Variants in RPS6KA2 observed in about 807,000 individuals in gnomAD.
RPS6KA2 encodes ribosomal protein S6 kinase alpha-2.
Under a neutral mutation model 91.8 loss-of-function variants are expected in RPS6KA2, and 42 were observed. That is an observed-to-expected ratio of 0.46 (90% CI 0.36 to 0.59). The LOEUF is 0.59. RPS6KA2 is among the 20% of genes least tolerant of loss of function. The probability of loss-of-function intolerance (pLI) is 0.00; values close to 1 mark genes in which losing one functional copy is unlikely to be tolerated. For missense variants in RPS6KA2, 798 were observed against 978.5 expected, an observed-to-expected ratio of 0.82 and a Z score of 2.46; for synonymous variants, 414 against 393.6, an observed-to-expected ratio of 1.05 and a Z score of -0.61.
intron 1 of RPS6KA2, among the ~76,000 whole-genome samples, chr6:166,560,835 C>G (rs1413761233): frequency 6.6e-6 from 1 of 152,122 alleles, no homozygotes; most frequent in Non-Finnish European, 1.5e-5. Flanking sequence ...CTAACGCTTC[C>G]CCAAGCATAC....
At chr6:166,498,688 T>C in intron 7 of RPS6KA2, 38 bp from the exon 8 acceptor site, 1 of 1,610,248 alleles carries the variant, frequency 6.2e-7, no homozygotes, top group Non-Finnish European at 8.5e-7. Flanking sequence ...CCTCAGTCTC[T>C]GGGTGTGTTC....
chr6:166,451,285 G>A, intron 12 of RPS6KA2, 52 bp from the exon 13 acceptor site: 4 of 1,606,428 alleles, frequency 2.5e-6, no homozygotes, highest in Non-Finnish European at 3.4e-6. Context: ...GGTGACCCTG[G>A]GGTGAAGTGA....
chr6:166,536,191 C>T (rs1478999830), intron 2 of RPS6KA2, among the ~76,000 whole-genome samples: 1 of 152,148 alleles, frequency 6.6e-6, no homozygotes, highest in Non-Finnish European at 1.5e-5. Context: ...GGACTCGGCT[C>T]CCAGGCAAGG....
At position 166,445,589 on chromosome 6, in the gene RPS6KA2, A is replaced by G. The variant is rs1370178043; in HGVS notation, c.1332+3135T>C. 6.6e-6 allele frequency among the ~76,000 whole-genome samples: 1 copy of G among 152,158 alleles called. No individual in the cohort carries two copies. Among genetic ancestry groups the G allele is most frequent in the African/African-American group, 2.4e-5 (1 of 41,432 alleles). On this transcript the variant is annotated intron_variant, in intron 14 of 20. Transcript: ENST00000265678. This position sits in a 1 kb window ranked among gnomAD's most constrained non-coding sequence, Gnocchi z 4.5. ...TCCCCTGGGGGCCACAGTTACCCCA[A>G]ATGAATATGACTGCCCTGGGCAGAA...
chr6:166,722,984 A>G (rs1790221981), intron 2 of RPS6KA2, among the ~76,000 whole-genome samples: 1 of 152,222 alleles, frequency 6.6e-6, no homozygotes, highest in Non-Finnish European at 1.5e-5. Flanking sequence ...GGCGACTATG[A>G]CAACCGTTAA....
chr6:166,683,010 G>A (rs1331784049), intron 2 of RPS6KA2, among the ~76,000 whole-genome samples: 1 of 152,208 alleles, frequency 6.6e-6, no homozygotes, highest in East Asian at 1.9e-4. Context: ...ACTAGGGGAA[G>A]GCCTACCAGC....
chr6:166,790,498 A>G lies in RPS6KA2; in HGVS notation c.123+67702T>C, dbSNP rs543902943. 2.1e-3 allele frequency among the ~76,000 whole-genome samples: 315 copies of G among 152,290 alleles called. 1 individual carries two copies. The highest frequency in any genetic ancestry group is 3.5e-3 in the Non-Finnish European group (241 of 68,018). ...GCAAGGCAGGCCAACATTCAGATTC[A>G]GGAAATACAGAGAATGCCACAAAGA... On this transcript the variant is annotated intron_variant, in intron 2 of 21. Coordinates refer to the RPS6KA2 transcript ENST00000503859.
chr6:166,446,085 G>C (rs913142495), intron 14 of RPS6KA2, among the ~76,000 whole-genome samples: 6 of 152,230 alleles, frequency 3.9e-5, no homozygotes, highest in African/African-American at 1.4e-4. Context: ...ACAGTGCTCT[G>C]CACTGGGTCA....
chr6:166,831,252 C>T (rs2128626482), intron 2 of RPS6KA2, among the ~76,000 whole-genome samples: 1 of 152,286 alleles, frequency 6.6e-6, no homozygotes, highest in Non-Finnish European at 1.5e-5. Context: ...GCAGGTTCCT[C>T]AGAGGCTGCT....
intron 2 of RPS6KA2, among the ~76,000 whole-genome samples, chr6:166,679,694 G>A (rs531423832): frequency 6.6e-6 from 1 of 152,140 alleles, no homozygotes; most frequent in Non-Finnish European, 1.5e-5. Context: ...GCTGTGCTGT[G>A]GGGGCCCATC....
chr6:166,647,728 C>T (rs1787654226), intron 2 of RPS6KA2, among the ~76,000 whole-genome samples: 2 of 152,128 alleles, frequency 1.3e-5, no homozygotes. Context: ...GCTTCCTATA[C>T]CCACAGGACA....
At chr6:166,519,871 T>C (rs1431450070) in intron 3 of RPS6KA2, among the ~76,000 whole-genome samples, 3 of 152,206 alleles carry the variant, frequency 2.0e-5, no homozygotes, top group Admixed American at 6.5e-5. Flanking sequence ...ATTGTGGTGG[T>C]TAGTTTTACA....
intron 2 of RPS6KA2, among the ~76,000 whole-genome samples, chr6:166,710,475 G>A (rs1177538894): frequency 9.6e-6 from 1 of 103,718 alleles, no homozygotes; most frequent in East Asian, 3.2e-4. Flanking sequence ...TGTATGGTAT[G>A]TGTTGTGTGA....
At chr6:166,606,779 T>A (rs1481806286) in intron 1 of RPS6KA2, among the ~76,000 whole-genome samples, 1 of 152,016 alleles carries the variant, frequency 6.6e-6, no homozygotes, top group Non-Finnish European at 1.5e-5. Context: ...ATCAAAACCA[T>A]AAGGAGGCAC....
rs1562472042 is a variant in RPS6KA2 at position 166,409,831 on chromosome 6, C to T, written c.*2931G>A. 1 of 152,568 alleles carries T rather than the reference C, an allele frequency of 6.6e-6. No individual in the cohort carries two copies. 9.5% of individuals were successfully genotyped at this position (152,568 alleles called of 1,614,324 possible). A position where few individuals can be genotyped will look rare whatever the true frequency, so the allele number is the denominator to read the frequency against. On this transcript the variant is annotated 3_prime_UTR_variant, in exon 21 of 21. Transcript: ENST00000265678. ...TCCCAAGTGCAGCTTTAGGATAACA[C>T]CATTTAATGAACAATACTGGATAAC... is the stretch of plus-strand genomic sequence containing the variant.
chr6:166,791,021 T>G (rs111723421), intron 2 of RPS6KA2, among the ~76,000 whole-genome samples: 1 of 152,146 alleles, frequency 6.6e-6, no homozygotes, highest in Non-Finnish European at 1.5e-5. Context: ...CAATATTAAC[T>G]TTAAATGTAA....
intron 2 of RPS6KA2, among the ~76,000 whole-genome samples, chr6:166,746,838 T>C (rs996064618): frequency 2.0e-5 from 3 of 152,242 alleles, no homozygotes; most frequent in African/African-American, 7.2e-5. Context: ...CCTCCTTGTC[T>C]TCAACTAATT....
intron 2 of RPS6KA2, among the ~76,000 whole-genome samples, chr6:166,853,050 A>G (rs1034531376): frequency 1.3e-5 from 2 of 152,256 alleles, no homozygotes; most frequent in East Asian, 3.8e-4. Flanking sequence ...GACATTTTCA[A>G]TAACACCTGG....
intron 2 of RPS6KA2, among the ~76,000 whole-genome samples, chr6:166,776,825 G>A (rs1309381507): frequency 6.6e-6 from 1 of 152,142 alleles, no homozygotes; most frequent in Non-Finnish European, 1.5e-5. Flanking sequence ...ATGGACATGT[G>A]GGCTGTCTCT....
Sources: allele counts gnomAD v4.1 joint callset (sites outside exome capture counted in the v4.1 genomes callset), GRCh38; gene constraint gnomAD v4.1.1; non-coding constraint Gnocchi (gnomAD v3.1); transcripts MANE v1.5; gene names NCBI Gene and HGNC (gene_info 2026-07-23, HGNC 2026-07-21).